The following LONRF2 variants were observed in gnomAD, a reference collection of about 807,000 sequenced individuals.
LONRF2 encodes the protein LON peptidase N-terminal domain and ring finger 2.
A neutral mutation model predicts 66.6 loss-of-function variants in LONRF2; 35 were observed. The ratio of observed to expected loss-of-function variants is 0.53; its 90% confidence interval spans 0.40 to 0.70. LONRF2 has a LOEUF of 0.70. Ranked by LOEUF, LONRF2 falls within the 30% of genes least tolerant of loss-of-function variation. LONRF2 has a pLI of 0.00. For synonymous variants in LONRF2, 417 were observed against 418.1 expected, an observed-to-expected ratio of 1.00 and a Z score of 0.03; for missense variants, 902 against 1,002.1, an observed-to-expected ratio of 0.90 and a Z score of 1.35.
intron 3 of LONRF2, among the ~76,000 whole-genome samples, chr2:100,302,031 C>G (rs940072872): frequency 6.6e-6 from 1 of 152,154 alleles, no homozygotes; most frequent in Non-Finnish European, 1.5e-5. Context: ...CTCTGAAGTT[C>G]TTACTTTTAA....
At chr2:100,306,894 C>CTT (rs34961905) in intron 2 of LONRF2, among the ~76,000 whole-genome samples, 12 of 136,996 alleles carry the variant, frequency 8.8e-5, no homozygotes, top group Non-Finnish European at 1.4e-4. Context: ...CTTAAACTTA[C>CTT]TTTTTTTTTT....
rs2105710151 is a variant in LONRF2 at position 100,281,688 on chromosome 2, G to A, written c.*2610C>T. ...TACTCTTTTCTGCTTTGATTCCAAT[G>A]TAACGAGAGCATGCCTATTGGAGCA... On this transcript the variant is annotated 3_prime_UTR_variant, in exon 12 of 12. Coordinates refer to ENST00000393437, the MANE Select transcript of LONRF2 (RefSeq NM_198461.4). The A allele has an allele frequency of 6.6e-6, 1 of 152,258 alleles. No homozygotes were observed. Among genetic ancestry groups the A allele is most frequent in the East Asian group, 1.9e-4 (1 of 5,172 alleles). The allele number at this position is 152,258 out of a possible 1,614,324, so 9.4% of individuals were successfully genotyped here. A position where few individuals can be genotyped will look rare whatever the true frequency, so the allele number is the denominator to read the frequency against.
intron 11 of LONRF2, among the ~76,000 whole-genome samples, chr2:100,285,518 A>T (rs1237353004): frequency 1.3e-5 from 2 of 152,218 alleles, no homozygotes; most frequent in East Asian, 3.8e-4. Flanking sequence ...ATGGTCCCCC[A>T]TATGGTACCT....
At position 100,277,668 on chromosome 2, in the gene LONRF2, C is replaced by T. The variant is rs1427435129; in HGVS notation, c.*6630G>A. 1.3e-5 allele frequency: 2 copies of T among 152,174 alleles called. No individual in the cohort carries two copies. The highest frequency in any genetic ancestry group is 2.9e-5 in the Non-Finnish European group (2 of 68,036). 9.4% of individuals were successfully genotyped at this position (152,174 alleles called of 1,614,324 possible). Reference sequence around the variant, plus strand: ...ATGTTGCTGCTTCCCATCTTTTAGCCAGCATGCCCTGATACGAAACGGAAC... The same window carrying T: ...ATGTTGCTGCTTCCCATCTTTTAGCTAGCATGCCCTGATACGAAACGGAAC... On this transcript the variant is annotated 3_prime_UTR_variant, in exon 12 of 12. Coordinates refer to ENST00000393437, the MANE Select transcript of LONRF2 (RefSeq NM_198461.4).
chr2:100,298,484 C>T (rs149548024), intron 7 of LONRF2, among the ~76,000 whole-genome samples: 3 of 152,294 alleles, frequency 2.0e-5, no homozygotes, highest in Admixed American at 6.5e-5. Flanking sequence ...TTCAATCCTA[C>T]GAAAAACTCT....
In LONRF2 at chr2:100,294,211, A is replaced by C; in HGVS notation, c.1757+18T>G. ...CCCTTCATTAGGACCCTTTGAACCA[A>C]ATGCTAACAGTTCTTACCCCGCGTG... On this transcript the variant is annotated intron_variant, in intron 9 of 11. Transcript: ENST00000393437. The C allele has an allele frequency of 6.2e-7, 1 of 1,604,578 alleles. No homozygotes were observed. Among genetic ancestry groups the C allele is most frequent in the Non-Finnish European group, 8.5e-7 (1 of 1,176,486 alleles).
rs750809687 is a variant in LONRF2, at chr2:100,272,942, T to C, written c.*11356A>G. Among the ~76,000 whole-genome samples the C allele has an allele frequency of 8.5e-5, 13 of 152,238 alleles. No homozygotes were observed. The highest frequency in any genetic ancestry group is 1.6e-4 in the Non-Finnish European group (11 of 68,036). On this transcript the variant is annotated 3_prime_UTR_variant, in exon 12 of 12. Coordinates refer to ENST00000393437, the MANE Select transcript of LONRF2 (RefSeq NM_198461.4). Reference sequence around the variant, plus strand: ...TGCACTGTGTTGAATACTGTTCCTCTAAAATTCATGTCCACTAGAACCTGT... The same window carrying C: ...TGCACTGTGTTGAATACTGTTCCTCCAAAATTCATGTCCACTAGAACCTGT...
At chr2:100,299,625 ATGT>A in intron 5 of LONRF2, 89 bp downstream of exon 5, 2 of 965,062 alleles carry the variant, frequency 2.1e-6, no homozygotes, top group Admixed American at 4.7e-5. Context: ...CTAATATTAA[ATGT>A]TGTAAAAATT....
At position 100,280,378 on chromosome 2, in the gene LONRF2, A is replaced by G. The variant is rs1674690380; in HGVS notation, c.*3920T>C. On this transcript the variant is annotated 3_prime_UTR_variant, in exon 12 of 12. Transcript: ENST00000393437. ...CCATCCAGAGCGGGCTTCCCTGGGA[A>G]TTAGTTTTTGGTGAACAATAGAATC... The G allele has an allele frequency of 6.6e-6, 1 of 152,172 alleles. No individual in the cohort carries two copies. The highest frequency in any genetic ancestry group is 1.5e-5 in the Non-Finnish European group (1 of 68,050). 9.4% of individuals were successfully genotyped at this position (152,172 alleles called of 1,614,324 possible).
intron 2 of LONRF2, among the ~76,000 whole-genome samples, chr2:100,304,024 C>T (rs572285164): frequency 6.6e-6 from 1 of 151,958 alleles, no homozygotes; most frequent in Non-Finnish European, 1.5e-5. Context: ...CTGTTTTTTG[C>T]ATTGAATAAT....
chr2:100,294,007 C>G (rs1675012853), intron 9 of LONRF2, among the ~76,000 whole-genome samples: 1 of 152,102 alleles, frequency 6.6e-6, no homozygotes, highest in Non-Finnish European at 1.5e-5. Context: ...GGGCAAGTAG[C>G]ATGGCAATGG....
rs145912935 is a variant in LONRF2, at chr2:100,284,374, C to T, written c.2189G>A (p.Arg730Gln). 1.3e-5 allele frequency: 20 copies of T among 1,598,034 alleles called. No individual in the cohort carries two copies. Among genetic ancestry groups the T allele is most frequent in the African/African-American group, 5.3e-5 (4 of 74,892 alleles). The change falls in exon 12 of 12, where the codon CGA becomes CAA. Residue 730 changes from arginine (R) to glutamine (Q), a missense_variant. By Grantham distance (43) the Arg-to-Gln change is conservative. Transcript: ENST00000393437. ...ACGCGTGATGATGACTAATATCCGTCGGATGGCAAGGAGCCGCTCTTTGAG... is the reference window on the plus strand; with the variant it reads ...ACGCGTGATGATGACTAATATCCGTTGGATGGCAAGGAGCCGCTCTTTGAG... ...TSLKERLLAI[R>Q]RILVIITRKM...
intron 2 of LONRF2, among the ~76,000 whole-genome samples, chr2:100,306,133 T>G (rs1404163182): frequency 6.8e-6 from 1 of 146,426 alleles, no homozygotes; most frequent in Non-Finnish European, 1.5e-5. Flanking sequence ...AGGCTGGTCT[T>G]GAACTCCTGA....
chr2:100,277,519 T>C lies in LONRF2; in HGVS notation c.*6779A>G, dbSNP rs1674624382. On this transcript the variant is annotated 3_prime_UTR_variant, in exon 12 of 12. Coordinates refer to ENST00000393437, the MANE Select transcript of LONRF2 (RefSeq NM_198461.4). Reference sequence around the variant, plus strand: ...GTGGTCTCCCATGTCCTCAGTCCCTTGTGAGGTCATCCTCCCGCAGACCCC... The same window carrying C: ...GTGGTCTCCCATGTCCTCAGTCCCTCGTGAGGTCATCCTCCCGCAGACCCC... 6.6e-6 allele frequency: 1 copy of C among 152,252 alleles called. No individual in the cohort carries two copies. Among genetic ancestry groups the C allele is most frequent in the Admixed American group, 6.5e-5 (1 of 15,282 alleles). The allele number at this position is 152,252 out of a possible 1,614,324, so 9.4% of individuals were successfully genotyped here.
intron 2 of LONRF2, among the ~76,000 whole-genome samples, chr2:100,307,473 T>G (rs1014845405): frequency 1.3e-5 from 2 of 152,218 alleles, no homozygotes; most frequent in African/African-American, 4.8e-5. Flanking sequence ...CGGAGAGGAA[T>G]CTAGCTTCAG....
intron 2 of LONRF2, among the ~76,000 whole-genome samples, chr2:100,307,985 A>G (rs1675330592): frequency 6.6e-6 from 1 of 152,136 alleles, no homozygotes; most frequent in Admixed American, 6.5e-5. Flanking sequence ...TAGATTTCTG[A>G]GCTTAGTCCA....
intron 7 of LONRF2, among the ~76,000 whole-genome samples, chr2:100,297,345 G>C (rs1263843848): frequency 6.6e-6 from 1 of 151,804 alleles, no homozygotes; most frequent in Non-Finnish European, 1.5e-5. Context: ...CACCGTGTTA[G>C]CCGGGATGGT....
In LONRF2 at chr2:100,299,881, T is replaced by G; in HGVS notation, c.1103A>C (p.Asn368Thr). ...CAGTATAAAATACAAAACTGAAGAA[T>G]TGGTATTTCCAAGCATATCAGATTT... ...SEKSDMLGNT[N>T]SSVLYFILGL... Residue 368 changes from asparagine to threonine, a missense_variant, in exon 5 of 12, where the codon AAT becomes ACT. By Grantham distance (65) the Asn-to-Thr change is moderately conservative. Around this residue, in one of 2 missense-constraint regions of LONRF2, gnomAD observed 585 missense variants for 569.9 expected, o/e 1.03. Coordinates refer to ENST00000393437, the MANE Select transcript of LONRF2 (RefSeq NM_198461.4). 1.2e-6 allele frequency: 2 copies of G among 1,612,166 alleles called. No homozygotes were observed. Among genetic ancestry groups the G allele is most frequent in the Non-Finnish European group, 1.7e-6 (2 of 1,178,422 alleles).
rs959547943 is a variant in LONRF2 at position 100,279,784 on chromosome 2, G to A, written c.*4514C>T. The A allele has an allele frequency of 6.6e-6, 1 of 152,232 alleles. No homozygotes were observed. The highest frequency in any genetic ancestry group is 1.5e-5 in the Non-Finnish European group (1 of 68,094). The allele number at this position is 152,232 out of a possible 1,614,324, so 9.4% of individuals were successfully genotyped here. A position where few individuals can be genotyped will look rare whatever the true frequency, so the allele number is the denominator to read the frequency against. ...GGTGCCAGATGGCTAGAGACCACCTGTATAGCCTAGAGTCTGAGCTGTTAT... is the reference window on the plus strand; with the variant it reads ...GGTGCCAGATGGCTAGAGACCACCTATATAGCCTAGAGTCTGAGCTGTTAT... On this transcript the variant is annotated 3_prime_UTR_variant, in exon 12 of 12. Coordinates refer to ENST00000393437, the MANE Select transcript of LONRF2 (RefSeq NM_198461.4).
Sources: allele counts gnomAD v4.1 joint callset (sites outside exome capture counted in the v4.1 genomes callset), GRCh38; gene constraint gnomAD v4.1.1; regional missense constraint gnomAD v4.1.1; transcripts MANE v1.5; gene names NCBI Gene and HGNC (gene_info 2026-07-23, HGNC 2026-07-21).